Variants in PAM observed in about 807,000 individuals in gnomAD.
The protein encoded by PAM is peptidylglycine alpha-amidating monooxygenase, also known as peptidyl-glycine alpha-amidating monooxygenase.
A neutral mutation model predicts 122.1 loss-of-function variants in PAM; 72 were observed. The observed-to-expected ratio is 0.59, with a 90% CI of 0.49 to 0.72. The LOEUF (loss-of-function observed/expected upper bound fraction) is 0.72. PAM is among the 30% of genes least tolerant of loss of function. The pLI, the probability that PAM is intolerant of heterozygous loss-of-function variation, is 0.00. For missense variants in PAM, 1,106 were observed against 1,183.7 expected, an observed-to-expected ratio of 0.93 and a Z score of 0.96; for synonymous variants, 389 against 404.4, an observed-to-expected ratio of 0.96 and a Z score of 0.46.
chr5:102,801,240 G>A (rs1207792731), intron 1 of PAM, among the ~76,000 whole-genome samples: 2 of 152,000 alleles, frequency 1.3e-5, no homozygotes, highest in East Asian at 3.9e-4. Context: ...AATAAAACAG[G>A]TTTTCTTGTA....
intron 24 of PAM, among the ~76,000 whole-genome samples, chr5:103,026,290 G>A (rs2151380617): frequency 6.6e-6 from 1 of 152,224 alleles, no homozygotes; most frequent in East Asian, 1.9e-4. Flanking sequence ...CAGGGAGAGG[G>A]GGAGCATTTG....
chr5:102,818,392 A>T (rs959663253), intron 1 of PAM, among the ~76,000 whole-genome samples: 4 of 152,044 alleles, frequency 2.6e-5, no homozygotes, highest in African/African-American at 9.7e-5. Flanking sequence ...CTAGTCTTAT[A>T]AAAATTAACA....
chr5:102,913,259 C>T (rs1054324086), intron 4 of PAM, among the ~76,000 whole-genome samples: 1 of 151,876 alleles, frequency 6.6e-6, no homozygotes, highest in Admixed American at 6.6e-5. Context: ...TAATTATGCA[C>T]TTGTTTATTT....
intron 1 of PAM, chr5:102,808,055 C>T (rs892804083): frequency 3.3e-5 from 5 of 152,142 alleles, no homozygotes; most frequent in Admixed American, 6.5e-5. Context: ...CTTCTGTCTC[C>T]CAGCACATTG....
At chr5:102,967,163 A>T (rs1764334042) in intron 14 of PAM, among the ~76,000 whole-genome samples, 1 of 152,162 alleles carries the variant, frequency 6.6e-6, no homozygotes, top group Non-Finnish European at 1.5e-5. Context: ...TGATAATAGA[A>T]AAATGTCCAT....
At chr5:102,837,460 C>T (rs1327280766) in intron 1 of PAM, among the ~76,000 whole-genome samples, 1 of 152,176 alleles carries the variant, frequency 6.6e-6, no homozygotes, top group Non-Finnish European at 1.5e-5. Context: ...TATTTTTTAA[C>T]CAAATCAATA....
rs1006018418 is a variant in PAM, at chr5:102,899,136, T to C, written c.211-2220T>C. 4.1e-5 allele frequency among the ~76,000 whole-genome samples: 6 copies of C among 147,650 alleles called. No homozygotes were observed. In the Admixed American group the frequency reaches 4.1e-4, roughly 10 times the overall value. ...TGGCTTTAACAACTTAGGAAAGAAA[T>C]AGTGGAAATGGGAATGGATTATCAT... On this transcript the variant is annotated intron_variant, in intron 3 of 25. Coordinates refer to ENST00000438793, the MANE Select transcript of PAM (RefSeq NM_001177306.2).
chr5:102,920,664 AT>A (rs1747123939), intron 5 of PAM, among the ~76,000 whole-genome samples: 1 of 152,000 alleles, frequency 6.6e-6, no homozygotes, highest in African/African-American at 2.4e-5. Context: ...CCCTCATGCT[AT>A]TGATTTTGTG....
chr5:102,933,169 C>T (rs556407542), intron 7 of PAM, among the ~76,000 whole-genome samples: 32 of 152,222 alleles, frequency 2.1e-4, no homozygotes, highest in African/African-American at 7.2e-4. Flanking sequence ...TTCAAGTTAT[C>T]GGATTGATAT....
chr5:102,816,379 G>A lies in PAM; in HGVS notation c.-373-49444G>A, dbSNP rs190959643. Among the ~76,000 whole-genome samples, 28 of 152,206 alleles carry A rather than the reference G, an allele frequency of 1.8e-4. 1 individual carries two copies. Among genetic ancestry groups the A allele is most frequent in the Admixed American group, 1.6e-3 (24 of 15,250 alleles). ...GAGGAGAGAGAAGATGAGAACACAGGACTGTGATGCCACACTGGTACAAAT... is the reference window on the plus strand; with the variant it reads ...GAGGAGAGAGAAGATGAGAACACAGAACTGTGATGCCACACTGGTACAAAT... On this transcript the variant is annotated intron_variant, in intron 1 of 25. Coordinates refer to ENST00000438793, the MANE Select transcript of PAM (RefSeq NM_001177306.2).
intron 15 of PAM, among the ~76,000 whole-genome samples, chr5:102,987,163 A>G (rs1338279650): frequency 6.6e-6 from 1 of 152,208 alleles, no homozygotes; most frequent in Non-Finnish European, 1.5e-5. Flanking sequence ...ATATCAGCAG[A>G]TGAATGGATA....
At chr5:102,977,658 GCACACACACA>G (rs10527378) in intron 15 of PAM, among the ~76,000 whole-genome samples, 31,263 of 142,954 alleles carry the variant, frequency 0.22, 3,627 homozygotes, top group East Asian at 0.41. Context: ...ATGCATGTGC[GCACACACACA>G]CACACACACA....
rs140638188 is a variant in PAM at position 102,935,862 on chromosome 5, C to CT, written c.526+9199dup. Among the ~76,000 whole-genome samples the CT allele has an allele frequency of 1.6e-4, 25 of 152,158 alleles. 1 individual carries two copies. In the East Asian group the frequency reaches 4.8e-3, roughly 29 times the overall value. Reference sequence around the variant, plus strand: ...TCTGCACCAGACTGTCCTTGGGGTACTTTTTAAAATGAAAGTTCCTAGTTC... The same window carrying CT: ...TCTGCACCAGACTGTCCTTGGGGTACTTTTTTAAAATGAAAGTTCCTAGTTC... On this transcript the variant is annotated intron_variant, in intron 7 of 25. Transcript: ENST00000438793.
intron 1 of PAM, among the ~76,000 whole-genome samples, chr5:102,806,409 T>C (rs1345023227): frequency 6.6e-6 from 1 of 152,186 alleles, no homozygotes; most frequent in African/African-American, 2.4e-5. Flanking sequence ...TTTAAAAGCA[T>C]ATAATATGAA....
intron 23 of PAM, among the ~76,000 whole-genome samples, chr5:103,021,542 T>C (rs1161173105): frequency 6.6e-6 from 1 of 152,080 alleles, no homozygotes; most frequent in Non-Finnish European, 1.5e-5. Flanking sequence ...CTGAGTCCAA[T>C]TGGTCAGAAA....
chr5:102,850,781 T>G (rs911529741), intron 1 of PAM, among the ~76,000 whole-genome samples: 3 of 152,184 alleles, frequency 2.0e-5, no homozygotes, highest in Admixed American at 2.0e-4. Context: ...AACGGAGCCA[T>G]GTCTTCTTTA....
intron 17 of PAM, 107 bp from the exon 18 acceptor site, chr5:103,005,047 T>G: frequency 1.5e-6 from 1 of 667,070 alleles, no homozygotes; most frequent in Non-Finnish European, 2.7e-6. Context: ...AGTATACATT[T>G]ATCAATTTAT....
chr5:102,790,661 A>G (rs1002164434), intron 1 of PAM, among the ~76,000 whole-genome samples: 1 of 152,068 alleles, frequency 6.6e-6, no homozygotes, highest in Non-Finnish European at 1.5e-5. Flanking sequence ...CATAGAATCA[A>G]TTTTAGCCTC....
chr5:102,790,417 C>T (rs1761746890), intron 1 of PAM, among the ~76,000 whole-genome samples: 1 of 152,070 alleles, frequency 6.6e-6, no homozygotes, highest in African/African-American at 2.4e-5. Context: ...AGAGAGATCA[C>T]AGCAGAGCTT....
Sources: gnomAD v4.1 joint callset for allele counts (sites outside exome capture counted in the v4.1 genomes callset) on GRCh38, gnomAD v4.1.1 for gene constraint, MANE v1.5 for transcripts, NCBI Gene and HGNC (gene_info 2026-07-23, HGNC 2026-07-21) for gene names.